Variants in KICS2 observed in about 807,000 individuals in gnomAD.
The protein encoded by KICS2 is KICSTOR subunit 2, also known as KICSTOR complex protein C12orf66.
In KICS2, 13 loss-of-function variants were observed where a neutral mutation model predicts 31.4. The observed-to-expected ratio is 0.41, with a 90% CI of 0.27 to 0.66. The LOEUF (loss-of-function observed/expected upper bound fraction) is 0.66. Ranked by LOEUF, KICS2 falls within the 30% of genes least tolerant of loss-of-function variation. KICS2 has a pLI of 0.28. For synonymous variants in KICS2, 209 were observed against 214.8 expected (o/e 0.97, Z 0.24); for missense variants, 455 against 545.4 (o/e 0.83, Z 1.65).
In KICS2 at chr12:64,193,772, G is replaced by C. The variant is rs2037403670; in HGVS notation, c.*70C>G. 3 of 1,505,314 alleles carry C rather than the reference G, an allele frequency of 2.0e-6. No homozygotes were observed. Among genetic ancestry groups the C allele is most frequent in the Non-Finnish European group, 2.7e-6 (3 of 1,128,452 alleles). 93.2% of individuals were successfully genotyped at this position (1,505,314 alleles called of 1,614,324 possible). A position where few individuals can be genotyped will look rare whatever the true frequency, so the allele number is the denominator to read the frequency against. The stretch of plus-strand genomic sequence containing the variant: ...TGAATGGATGTAAACTCTATTCACA[G>C]ACCACCGTAGATCATTAGGGCAATT... On this transcript the variant is annotated 3_prime_UTR_variant, in exon 3 of 3. Transcript: ENST00000398055.
intron 2 of KICS2, among the ~76,000 whole-genome samples, chr12:64,214,879 G>C (rs543227634): frequency 6.6e-5 from 10 of 152,146 alleles, no homozygotes; most frequent in Non-Finnish European, 1.2e-4. Context: ...CTGTATGGCA[G>C]AAACTCTAAA....
intron 2 of KICS2, among the ~76,000 whole-genome samples, chr12:64,195,551 T>C (rs1338964276): frequency 6.6e-6 from 1 of 152,208 alleles, no homozygotes; most frequent in Non-Finnish European, 1.5e-5. Flanking sequence ...CCAAATTCCC[T>C]TCATATTAAT....
intron 1 of KICS2, among the ~76,000 whole-genome samples, chr12:64,218,172 T>C (rs1305982710): frequency 6.6e-6 from 1 of 152,230 alleles, no homozygotes; most frequent in Non-Finnish European, 1.5e-5. Flanking sequence ...CTTCCTCCCA[T>C]GCCCATATTC....
intron 1 of KICS2, 173 bp from the exon 2 acceptor site, chr12:64,216,136 AC>A: frequency 5.8e-6 from 1 of 172,660 alleles, no homozygotes; most frequent in South Asian, 1.9e-4. Flanking sequence ...AATCATAAAT[AC>A]TTTATGATTA....
downstream of KICS2, chr12:64,187,527 T>G: frequency 9.7e-7 from 1 of 1,034,228 alleles, no homozygotes; most frequent in Non-Finnish European, 1.4e-6. Flanking sequence ...TTACACCATA[T>G]CAAGAGAAGT....
chr12:64,221,794 A>G (rs2037685828), intron 1 of KICS2: 1 of 634,446 alleles, frequency 1.6e-6, no homozygotes, highest in African/African-American at 1.8e-5. Flanking sequence ...GCATCTACCC[A>G]GTTCGCCAAT....
chr12:64,205,155 T>C (rs1156708529), intron 2 of KICS2, among the ~76,000 whole-genome samples: 1 of 152,210 alleles, frequency 6.6e-6, no homozygotes, highest in African/African-American at 2.4e-5. Context: ...ATAACACTAT[T>C]GTTATCTTTC....
In KICS2 at chr12:64,191,556, T is replaced by C. The variant is rs1449224975; in HGVS notation, c.*2286A>G. 2 of 152,172 alleles carry C rather than the reference T, an allele frequency of 1.3e-5. No individual in the cohort carries two copies. The highest frequency in any genetic ancestry group is 2.9e-5 in the Non-Finnish European group (2 of 68,016). 9.4% of individuals were successfully genotyped at this position (152,172 alleles called of 1,614,324 possible). On this transcript the variant is annotated 3_prime_UTR_variant, in exon 3 of 3. Transcript: ENST00000398055. Reference sequence around the variant, plus strand: ...TTTAATCTAAGAGGAAAAAAATACATGCATACCAAGGAATATTTTTCAGTT... The same window carrying C: ...TTTAATCTAAGAGGAAAAAAATACACGCATACCAAGGAATATTTTTCAGTT...
chr12:64,214,915 CAT>C (rs1476839989), intron 2 of KICS2, among the ~76,000 whole-genome samples: 2 of 152,088 alleles, frequency 1.3e-5, no homozygotes, highest in African/African-American at 2.4e-5. Flanking sequence ...GTTTCCAACA[CAT>C]GTTAAAGAAT....
intron 1 of KICS2, 155 bp downstream of exon 1, chr12:64,221,848 G>T: frequency 1.2e-6 from 1 of 865,466 alleles, no homozygotes; most frequent in Non-Finnish European, 1.7e-6. Context: ...TGGAAGCCCA[G>T]GGAAGGAAAG....
At chr12:64,208,227 T>G (rs1194244272) in intron 2 of KICS2, among the ~76,000 whole-genome samples, 6 of 152,230 alleles carry the variant, frequency 3.9e-5, no homozygotes, top group African/African-American at 7.2e-5. Context: ...CAGGCTGGTC[T>G]CAAACTCCTG....
intron 1 of KICS2, 70 bp from the exon 2 acceptor site, chr12:64,216,033 C>T: frequency 6.8e-7 from 1 of 1,459,912 alleles, no homozygotes; most frequent in Non-Finnish European, 9.2e-7. Context: ...CACCTACCAA[C>T]ATGCAAAAGC....
intron 2 of KICS2, among the ~76,000 whole-genome samples, chr12:64,212,561 T>C (rs1334953945): frequency 6.6e-6 from 1 of 152,218 alleles, no homozygotes; most frequent in Non-Finnish European, 1.5e-5. Flanking sequence ...ACCACATTTA[T>C]TTATCCATTC....
At chr12:64,203,456 G>A (rs772077634) in intron 2 of KICS2, among the ~76,000 whole-genome samples, 8 of 152,134 alleles carry the variant, frequency 5.3e-5, no homozygotes, top group Non-Finnish European at 1.0e-4. Context: ...CAGAGGCTGC[G>A]GAAATCACCT....
chr12:64,204,975 A>T (rs2037523638), intron 2 of KICS2: 11 of 152,244 alleles, frequency 7.2e-5, no homozygotes, highest in Admixed American at 6.5e-4. Context: ...TTGAATTGTA[A>T]GAAAGCCTCC....
chr12:64,193,001 C>A lies in KICS2; in HGVS notation c.*841G>T. The A allele has an allele frequency of 1.0e-6, 1 of 985,310 alleles. No individual in the cohort carries two copies. Among genetic ancestry groups the A allele is most frequent in the African/African-American group, 1.7e-5 (1 of 57,318 alleles). The allele number at this position is 985,310 out of a possible 1,614,324, so 61.0% of individuals were successfully genotyped here. A position where few individuals can be genotyped will look rare whatever the true frequency, so the allele number is the denominator to read the frequency against. On this transcript the variant is annotated 3_prime_UTR_variant, in exon 3 of 3. Transcript: ENST00000398055. Reference sequence around the variant, plus strand: ...GAAAAACCGACTGCATGCTTTTAAGCCTAAAAATAACCAAGGAGTAGAGCC... The same window carrying A: ...GAAAAACCGACTGCATGCTTTTAAGACTAAAAATAACCAAGGAGTAGAGCC...
chr12:64,208,718 T>C (rs892496186), intron 2 of KICS2, among the ~76,000 whole-genome samples: 1 of 152,180 alleles, frequency 6.6e-6, no homozygotes, highest in Admixed American at 6.5e-5. Context: ...CAAACAAATA[T>C]ATGTACATCA....
intron 2 of KICS2, 147 bp downstream of exon 2, chr12:64,215,531 T>C: frequency 1.3e-6 from 1 of 775,230 alleles, no homozygotes; most frequent in East Asian, 2.7e-5. Context: ...TACCTGTTGA[T>C]TAATGAATAT....
intron 2 of KICS2, among the ~76,000 whole-genome samples, chr12:64,211,028 G>C (rs2037578121): frequency 6.6e-6 from 1 of 152,124 alleles, no homozygotes; most frequent in Admixed American, 6.6e-5. Context: ...TCTTAGGGAA[G>C]AGGAGGAAGG....
Sources: allele counts gnomAD v4.1 joint callset (sites outside exome capture counted in the v4.1 genomes callset), GRCh38; gene constraint gnomAD v4.1.1; transcripts MANE v1.5; gene names NCBI Gene and HGNC (gene_info 2026-07-23, HGNC 2026-07-21).